Variants in FGFR2 observed in about 807,000 individuals in gnomAD.
The protein encoded by FGFR2 is BEK fibroblast growth factor receptor.
Under a neutral mutation model 95.9 loss-of-function variants are expected in FGFR2, and 19 were observed. The ratio of observed to expected loss-of-function variants is 0.20; its 90% confidence interval spans 0.14 to 0.29. FGFR2 has a LOEUF of 0.29. Among genes scored for constraint, FGFR2 ranks in the 10% least tolerant of loss-of-function variants. The probability of loss-of-function intolerance (pLI) is 1.00; values close to 1 mark genes in which losing one functional copy is unlikely to be tolerated. For synonymous variants in FGFR2, 392 were observed against 393.3 expected (o/e 1.00, Z 0.04); for missense variants, 707 against 1,056.9 (o/e 0.67, Z 4.59).
chr10:121,491,664 A>G (rs1283769965), intron 13 of FGFR2, among the ~76,000 whole-genome samples: 1 of 151,918 alleles, frequency 6.6e-6, no homozygotes, highest in African/African-American at 2.4e-5. Flanking sequence ...AGGTCAGGAG[A>G]TGGAGACCAC....
chr10:121,503,607 T>A (rs1369494392), intron 10 of FGFR2, among the ~76,000 whole-genome samples, 183 bp downstream of exon 10: 3 of 152,168 alleles, frequency 2.0e-5, no homozygotes, highest in Non-Finnish European at 2.9e-5. Context: ...AGGAGTTATT[T>A]TTTTTTTTAA....
chr10:121,498,605 T>A lies in FGFR2; in HGVS notation c.1562A>T (p.Asp521Val), dbSNP rs55689343. The A allele has an allele frequency of 6.2e-7, 1 of 1,613,670 alleles. No homozygotes were observed. The highest frequency in any genetic ancestry group is 8.5e-7 in the Non-Finnish European group (1 of 1,179,528). Residue 521 changes from aspartate (D) to valine (V), a missense_variant and splice_region_variant, in exon 12 of 18, where the codon GAT becomes GTT. By Grantham distance (152) the Asp-to-Val change is radical. Coordinates refer to ENST00000358487, the MANE Select transcript of FGFR2 (RefSeq NM_000141.5). Reference protein sequence around the residue: ...AVTVAVKMLKDDATEKDLSDL... With the variant: ...AVTVAVKMLKVDATEKDLSDL... ...AGAAAGGTCTTTCTCTGTGGCATCA[T>A]CTATGAACAGTAGGCATATTCACAA...
At position 121,598,227 on chromosome 10, in the gene FGFR2, T is replaced by C. The variant is rs1863729134; in HGVS notation, c.-416A>G. The C allele has an allele frequency of 2.5e-6, 1 of 396,640 alleles. No homozygotes were observed. The highest frequency in any genetic ancestry group is 4.4e-6 in the Non-Finnish European group (1 of 224,904). The allele number at this position is 396,640 out of a possible 1,614,324, so 24.6% of individuals were successfully genotyped here. On this transcript the variant is annotated 5_prime_UTR_variant, in exon 1 of 18. Coordinates refer to ENST00000358487, the MANE Select transcript of FGFR2 (RefSeq NM_000141.5). ...GCTTGGCGTTGCCTCCACCAAACTTTGCTCGCGAGTTGCGAAGGCTCAGAG... is the reference window on the plus strand; with the variant it reads ...GCTTGGCGTTGCCTCCACCAAACTTCGCTCGCGAGTTGCGAAGGCTCAGAG...
chr10:121,574,896 G>A (rs1446361260), intron 2 of FGFR2, among the ~76,000 whole-genome samples: 2 of 152,232 alleles, frequency 1.3e-5, no homozygotes, highest in African/African-American at 2.4e-5. Context: ...AGATAAGTAC[G>A]CAGGATGAAA....
intron 4 of FGFR2, among the ~76,000 whole-genome samples, chr10:121,561,941 T>C (rs1432824006): frequency 6.6e-6 from 1 of 152,232 alleles, no homozygotes; most frequent in Non-Finnish European, 1.5e-5. Flanking sequence ...TATGAAAAGA[T>C]GCTTCACATC....
chr10:121,515,346 A>ACAGATAAGCAGGCCATAGAGTTAGC (rs1275890878), intron 8 of FGFR2, 27 bp from the exon 9 acceptor site: 1 of 1,607,578 alleles, frequency 6.2e-7, no homozygotes, highest in Non-Finnish European at 8.5e-7. Context: ...AGGAGGAGGA[A>ACAGATAAGCAGGCCATAGAGTTAGC]CAGATAAGCA....
At chr10:121,554,342 T>G (rs1171078697) in intron 4 of FGFR2, among the ~76,000 whole-genome samples, 2 of 151,188 alleles carry the variant, frequency 1.3e-5, no homozygotes, top group Admixed American at 1.3e-4. Flanking sequence ...TCTTTTTTTT[T>G]TTTTTCCTTT....
chr10:121,487,736 T>C (rs907992232), intron 14 of FGFR2, among the ~76,000 whole-genome samples: 1 of 152,262 alleles, frequency 6.6e-6, no homozygotes, highest in Non-Finnish European at 1.5e-5. Flanking sequence ...AAGTTCTTGA[T>C]GAGAACCATA....
intron 6 of FGFR2, among the ~76,000 whole-genome samples, chr10:121,524,099 TATACACACACACAC>T (rs59111833): frequency 0.26 from 35,380 of 137,238 alleles, 5,259 homozygotes; most frequent in Non-Finnish European, 0.33. Context: ...CCCGGCTATG[TATACACACACACAC>T]ACACACACAC....
chr10:121,574,738 A>G (rs1198584690), intron 2 of FGFR2, among the ~76,000 whole-genome samples: 1 of 152,074 alleles, frequency 6.6e-6, no homozygotes, highest in Non-Finnish European at 1.5e-5. Context: ...TCAAACAGAG[A>G]CCTTATAAGG....
intron 4 of FGFR2, chr10:121,564,195 A>G (rs1158520889): frequency 2.3e-6 from 1 of 433,988 alleles, no homozygotes; most frequent in African/African-American, 2.0e-5. Flanking sequence ...ACATGGTTCT[A>G]CTATTCTTAT....
chr10:121,582,512 C>A (rs1004126442), intron 2 of FGFR2, among the ~76,000 whole-genome samples: 6 of 152,084 alleles, frequency 3.9e-5, no homozygotes, highest in African/African-American at 7.2e-5. Context: ...AAGAACTCTA[C>A]GGCCAGGTGC....
intron 13 of FGFR2, among the ~76,000 whole-genome samples, chr10:121,492,160 G>T (rs773587558): frequency 2.6e-5 from 4 of 152,184 alleles, no homozygotes; most frequent in Non-Finnish European, 1.5e-5. Flanking sequence ...AGGTGACAGA[G>T]TGAGACCCTG....
intron 2 of FGFR2, among the ~76,000 whole-genome samples, chr10:121,588,602 T>C (rs942121128): frequency 6.6e-6 from 1 of 152,012 alleles, no homozygotes; most frequent in Non-Finnish European, 1.5e-5. Context: ...TCATATGGGA[T>C]ACAGCAAAAA....
chr10:121,524,146 A>ACACACACACACACCCC (rs142755962), intron 6 of FGFR2, among the ~76,000 whole-genome samples: 2 of 136,890 alleles, frequency 1.5e-5, no homozygotes, highest in African/African-American at 2.9e-5. Context: ...ACACACACAC[A>ACACACACACACACCCC]CCCCAAGTTT....
chr10:121,581,525 G>A (rs1860862806), intron 2 of FGFR2, among the ~76,000 whole-genome samples: 1 of 148,226 alleles, frequency 6.7e-6, no homozygotes, highest in Non-Finnish European at 1.5e-5. Context: ...GATCGCTTGA[G>A]CCCAGGAGTT....
rs41295501 is a variant in FGFR2, at chr10:121,540,435, G to A, written c.625-1720C>T. Among the ~76,000 whole-genome samples, 700 of 152,282 alleles carry A rather than the reference G, an allele frequency of 4.6e-3. 1 individual carries two copies. Among genetic ancestry groups the A allele is most frequent in the African/African-American group, 0.014 (565 of 41,564 alleles). Reference sequence around the variant, plus strand: ...GATAAGCACCTTCCATGCAGAATGTGTCTTCTGAAGGAGGAGGAGATATGG... The same window carrying A: ...GATAAGCACCTTCCATGCAGAATGTATCTTCTGAAGGAGGAGGAGATATGG... On this transcript the variant is annotated intron_variant, in intron 5 of 17. Transcript: ENST00000358487.
At chr10:121,545,568 C>A (rs1854379432) in intron 5 of FGFR2, among the ~76,000 whole-genome samples, 1 of 152,108 alleles carries the variant, frequency 6.6e-6, no homozygotes, top group African/African-American at 2.4e-5. Context: ...TACCTGTGTC[C>A]TCATCAAAGA....
chr10:121,544,390 G>A (rs1382056169), intron 5 of FGFR2, among the ~76,000 whole-genome samples: 2 of 149,136 alleles, frequency 1.3e-5, no homozygotes, highest in Non-Finnish European at 2.9e-5. Flanking sequence ...GTTGCAGTGA[G>A]CCAAGGTTGC....
Sources: gnomAD v4.1 joint callset for allele counts (sites outside exome capture counted in the v4.1 genomes callset) on GRCh38, gnomAD v4.1.1 for gene constraint, MANE v1.5 for transcripts, NCBI Gene and HGNC (gene_info 2026-07-23, HGNC 2026-07-21) for gene names.